Variants in CNTLN observed in about 807,000 individuals in gnomAD.
CNTLN encodes the protein centlein, also known as centlein, centrosomal protein.
A neutral mutation model predicts 180.0 loss-of-function variants in CNTLN; 212 were observed. That is an observed-to-expected ratio of 1.18 (90% CI 1.05 to 1.32). The LOEUF is 1.32. Ranked by LOEUF, CNTLN falls within the 40% of genes most tolerant of loss-of-function variation. The probability of loss-of-function intolerance (pLI) is 0.00; values close to 1 mark genes in which losing one functional copy is unlikely to be tolerated. For missense variants in CNTLN, 2,095 were observed against 1,610.9 expected (o/e 1.30, Z -5.14); for synonymous variants, 722 against 563.1 (o/e 1.28, Z -3.99).
At chr9:17,239,475 A>G (rs1825359055) in intron 5 of CNTLN, among the ~76,000 whole-genome samples, 1 of 152,136 alleles carries the variant, frequency 6.6e-6, no homozygotes, top group African/African-American at 2.4e-5. Context: ...TAGTTTCGAT[A>G]ATATTTTATT....
intron 14 of CNTLN, among the ~76,000 whole-genome samples, chr9:17,389,973 C>G (rs1825969594): frequency 6.6e-6 from 1 of 151,924 alleles, no homozygotes; most frequent in African/African-American, 2.4e-5. Flanking sequence ...AATTAGAATA[C>G]AGACAAATAC....
intron 5 of CNTLN, among the ~76,000 whole-genome samples, chr9:17,263,575 G>C (rs1218795153): frequency 2.0e-5 from 3 of 151,018 alleles, no homozygotes; most frequent in Non-Finnish European, 4.4e-5. Context: ...GGATGGCTGG[G>C]TCAAATGGTA....
intron 5 of CNTLN, among the ~76,000 whole-genome samples, chr9:17,259,606 G>C (rs1465663277): frequency 4.0e-5 from 6 of 150,744 alleles, no homozygotes; most frequent in Non-Finnish European, 2.9e-5. Flanking sequence ...ATCTGGTCCT[G>C]GACTCTTTTT....
chr9:17,452,920 A>T lies in CNTLN; in HGVS notation c.3115-4604A>T, dbSNP rs185615637. 1.5e-3 allele frequency among the ~76,000 whole-genome samples: 226 copies of T among 152,308 alleles called. 2 individuals are homozygous for T. The highest frequency in any genetic ancestry group is 3.4e-3 in the Middle Eastern group (1 of 294). On this transcript the variant is annotated intron_variant, in intron 18 of 25. Transcript: ENST00000380647. ...TCTGGTCAGAGGCTTTTTGCTTGTCAGTTAAACTACAAAATGCAGATCTGG... is the reference window on the plus strand; with the variant it reads ...TCTGGTCAGAGGCTTTTTGCTTGTCTGTTAAACTACAAAATGCAGATCTGG...
At chr9:17,406,474 A>G (rs1375820325) in intron 15 of CNTLN, among the ~76,000 whole-genome samples, 2 of 151,680 alleles carry the variant, frequency 1.3e-5, no homozygotes, top group African/African-American at 2.4e-5. Flanking sequence ...ATTTAGCCAG[A>G]TATCTAAAAC....
At chr9:17,354,289 C>A (rs1054715800) in intron 12 of CNTLN, among the ~76,000 whole-genome samples, 2 of 152,202 alleles carry the variant, frequency 1.3e-5, no homozygotes, top group Non-Finnish European at 2.9e-5. Flanking sequence ...GGCGCCCAGT[C>A]CCGTAGACCA....
chr9:17,494,418 T>C (rs779547829), intron 25 of CNTLN, among the ~76,000 whole-genome samples: 2 of 152,146 alleles, frequency 1.3e-5, no homozygotes, highest in African/African-American at 4.8e-5. Flanking sequence ...GGTTGTTATA[T>C]AGGTAAACTC....
chr9:17,295,562 C>T (rs189437009), intron 6 of CNTLN, among the ~76,000 whole-genome samples: 138 of 152,244 alleles, frequency 9.1e-4, no homozygotes, highest in Non-Finnish European at 5.7e-4. Flanking sequence ...GTTGCCGGTG[C>T]AGGATTCACT....
intron 3 of CNTLN, among the ~76,000 whole-genome samples, chr9:17,228,093 A>G (rs941102455): frequency 1.3e-5 from 2 of 151,982 alleles, no homozygotes; most frequent in African/African-American, 4.8e-5. Context: ...CCTCAATTAC[A>G]CCTCTATTCT....
chr9:17,376,245 A>G (rs1034971109), intron 13 of CNTLN, among the ~76,000 whole-genome samples: 35 of 152,266 alleles, frequency 2.3e-4, no homozygotes, highest in African/African-American at 7.9e-4. Context: ...CTTAATAACT[A>G]GGGTTTGCTA....
chr9:17,354,063 G>C (rs1822600564), intron 12 of CNTLN, among the ~76,000 whole-genome samples: 1 of 152,238 alleles, frequency 6.6e-6, no homozygotes, highest in South Asian at 2.1e-4. Context: ...CAGGCAATGA[G>C]GGACTTAGCA....
At chr9:17,395,787 C>A (rs1340445524) in intron 15 of CNTLN, among the ~76,000 whole-genome samples, 2 of 152,048 alleles carry the variant, frequency 1.3e-5, no homozygotes, top group Non-Finnish European at 2.9e-5. Context: ...TTCATATATG[C>A]ACTTGAAACA....
At chr9:17,501,643 G>T (rs73641967) in intron 25 of CNTLN, among the ~76,000 whole-genome samples, 32 of 152,314 alleles carry the variant, frequency 2.1e-4, no homozygotes, top group African/African-American at 7.2e-4. Context: ...AGGGAAGGGG[G>T]CTGGGCATGC....
At chr9:17,280,209 C>G (rs557198227) in intron 6 of CNTLN, among the ~76,000 whole-genome samples, 1 of 152,264 alleles carries the variant, frequency 6.6e-6, no homozygotes, top group Non-Finnish European at 1.5e-5. Context: ...AAAATATATT[C>G]TACAGAACTT....
rs184281609 is a variant in CNTLN, at chr9:17,189,626, G to C, written c.450-36577G>C. ...ATCCTCCTGAGTAGCTGGGATTACA[G>C]GTGCCCACCATCACACCTGACTAAT... On this transcript the variant is annotated intron_variant, in intron 2 of 25. Coordinates refer to ENST00000380647, the MANE Select transcript of CNTLN (RefSeq NM_017738.4). 5.5e-3 allele frequency among the ~76,000 whole-genome samples: 832 copies of C among 151,598 alleles called. 6 individuals are homozygous for C. The highest frequency in any genetic ancestry group is 8.0e-3 in the Admixed American group (122 of 15,238).
intron 6 of CNTLN, among the ~76,000 whole-genome samples, chr9:17,278,195 A>T (rs1049256782): frequency 1.3e-5 from 2 of 152,154 alleles, no homozygotes; most frequent in South Asian, 4.2e-4. Context: ...CCAGAGAACA[A>T]GGAGCAGTAT....
At chr9:17,240,890 G>T (rs570442766) in intron 5 of CNTLN, among the ~76,000 whole-genome samples, 2 of 151,726 alleles carry the variant, frequency 1.3e-5, no homozygotes, top group African/African-American at 4.8e-5. Context: ...GTGGAGTCTC[G>T]CTCTGTCACC....
chr9:17,495,565 CAT>C (rs769567639), intron 25 of CNTLN, among the ~76,000 whole-genome samples: 170 of 152,140 alleles, frequency 1.1e-3, no homozygotes, highest in Non-Finnish European at 1.4e-3. Flanking sequence ...AGTGTTCTTA[CAT>C]GAGTCAAAAA....
rs1277667473 is a variant in CNTLN, at chr9:17,410,948, C to T, written c.2796+1475C>T. 2.0e-5 allele frequency among the ~76,000 whole-genome samples: 3 copies of T among 152,122 alleles called. No homozygotes were observed. In the East Asian group the frequency reaches 5.8e-4, roughly 29 times the overall value. On this transcript the variant is annotated intron_variant, in intron 16 of 25. Coordinates refer to ENST00000380647, the MANE Select transcript of CNTLN (RefSeq NM_017738.4). ...TTGATTGCATGTTGAACAAGTTTCC[C>T]ACCTTCTTGTTCATCAAGAGTCTCT...
Sources: allele counts gnomAD v4.1 joint callset (sites outside exome capture counted in the v4.1 genomes callset), GRCh38; gene constraint gnomAD v4.1.1; transcripts MANE v1.5; gene names NCBI Gene and HGNC (gene_info 2026-07-23, HGNC 2026-07-21).